The following KIF1A variants were observed in gnomAD, a reference collection of about 807,000 sequenced individuals.
KIF1A encodes the protein kinesin family member 1A, also known as kinesin-like protein KIF1A.
Under a neutral mutation model 227.3 loss-of-function variants are expected in KIF1A, and 46 were observed. That is an observed-to-expected ratio of 0.20 (90% CI 0.16 to 0.26). The LOEUF is 0.26. Ranked by LOEUF, KIF1A falls within the 10% of genes least tolerant of loss-of-function variation. The pLI, the probability that KIF1A is intolerant of heterozygous loss-of-function variation, is 1.00. For synonymous variants in KIF1A, 1,022 were observed against 1,012.8 expected, an observed-to-expected ratio of 1.01 and a Z score of -0.17; for missense variants, 1,683 against 2,485.9, an observed-to-expected ratio of 0.68 and a Z score of 6.87.
chr2:240,760,463 T>C (rs1422040789), intron 25 of KIF1A, among the ~76,000 whole-genome samples: 1 of 152,280 alleles, frequency 6.6e-6, no homozygotes, highest in Non-Finnish European at 1.5e-5. Context: ...GTATGATTGC[T>C]GCATTGGTAG....
rs1441849108 is a variant in KIF1A at position 240,778,440 on chromosome 2, C to T, written c.883-2514G>A. 6.6e-6 allele frequency among the ~76,000 whole-genome samples: 1 copy of T among 151,444 alleles called. No individual in the cohort carries two copies. The highest frequency in any genetic ancestry group is 6.6e-5 in the Admixed American group (1 of 15,204). ...CTCCAACATTTCCTAACACGGCTCC[C>T]CACGGGAGGCCTCACACGATCCTCC... is the stretch of plus-strand genomic sequence containing the variant. On this transcript the variant is annotated intron_variant, in intron 10 of 48. Transcript: ENST00000498729. This position sits in a 1 kb window ranked among gnomAD's most constrained non-coding sequence, Gnocchi z 7.2.
intron 2 of KIF1A, among the ~76,000 whole-genome samples, chr2:240,796,365 G>A (rs1328237435): frequency 6.6e-6 from 1 of 152,190 alleles, no homozygotes; most frequent in East Asian, 1.9e-4. Context: ...GGCCTTCCTG[G>A]GCAGGACAAC....
chr2:240,816,175 T>C (rs1051274806), intron 1 of KIF1A, among the ~76,000 whole-genome samples: 2 of 151,954 alleles, frequency 1.3e-5, no homozygotes, highest in African/African-American at 4.8e-5. Flanking sequence ...TGTGTCTATC[T>C]GCATGCATGC....
Position 240,731,853 on chromosome 2 carries a change from G to A in KIF1A, c.4008-4913C>T, listed in dbSNP as rs1040105925. Among the ~76,000 whole-genome samples, 64 of 144,438 alleles carry A rather than the reference G, an allele frequency of 4.4e-4. 1 individual carries two copies. The highest frequency in any genetic ancestry group is 1.4e-3 in the African/African-American group (55 of 39,512). 94.8% of individuals were successfully genotyped at this position (144,438 alleles called of 152,430 possible). ...GGCCAGGACACAGCCTGCTTGGTTA[G>A]TGTCTGCTATGGGGATTGGGGGGTA... On this transcript the variant is annotated intron_variant, in intron 38 of 48. Coordinates refer to ENST00000498729, the MANE Select transcript of KIF1A (RefSeq NM_001244008.2).
Position 240,789,349 on chromosome 2 carries a change from G to T in KIF1A, c.107-37C>A. ...AACACAGGTGGTTAGCGCTGTGCTG[G>T]GAGGGCCCCTGACTAGCTGGCATCT... On this transcript the variant is annotated intron_variant, in intron 2 of 48. Transcript: ENST00000498729. This position sits in a 1 kb window ranked among gnomAD's most constrained non-coding sequence, Gnocchi z 4.8. 6.5e-7 allele frequency: 1 copy of T among 1,550,084 alleles called. No homozygotes were observed. The highest frequency in any genetic ancestry group is 1.4e-5 in the African/African-American group (1 of 73,472).
intron 1 of KIF1A, among the ~76,000 whole-genome samples, chr2:240,809,582 G>A (rs1220933944): frequency 6.6e-6 from 1 of 152,036 alleles, no homozygotes; most frequent in African/African-American, 2.4e-5. Flanking sequence ...TAAATTCCAT[G>A]TGGATTAAAG....
chr2:240,774,402 C>CCCA (rs1491536538), intron 11 of KIF1A, 141 bp from the exon 12 acceptor site: 71 of 393,596 alleles, frequency 1.8e-4, no homozygotes, highest in African/African-American at 1.7e-3. Flanking sequence ...CCCCCCCCCC[C>CCCA]ACCCCCACCC....
chr2:240,786,802 T>TGAGTGAGAGGGTGGGG, intron 5 of KIF1A, among the ~76,000 whole-genome samples: 1 of 30,350 alleles, frequency 3.3e-5, no homozygotes, highest in Non-Finnish European at 9.1e-5. Flanking sequence ...GGGTGGGGGC[T>TGAGTGAGAGGGTGGGG]GCCATCAGGA....
At chr2:240,722,971 T>C (rs1174091350) in intron 42 of KIF1A, among the ~76,000 whole-genome samples, 1 of 152,108 alleles carries the variant, frequency 6.6e-6, no homozygotes, top group East Asian at 1.9e-4. Flanking sequence ...GCTGGAGGCC[T>C]CAGGAGAGGG....
At chr2:240,753,156 C>A (rs2049426251) in intron 27 of KIF1A, among the ~76,000 whole-genome samples, 2 of 152,228 alleles carry the variant, frequency 1.3e-5, no homozygotes, top group African/African-American at 4.8e-5. Context: ...GAGACTTCTG[C>A]ACCTGAGCTA....
chr2:240,733,043 G>T (rs931330959), intron 38 of KIF1A, among the ~76,000 whole-genome samples: 7 of 141,174 alleles, frequency 5.0e-5, no homozygotes, highest in Admixed American at 2.1e-4. Flanking sequence ...GGGAATGAGG[G>T]GGGGATGAGA....
intron 38 of KIF1A, among the ~76,000 whole-genome samples, chr2:240,731,972 C>G (rs906346568): frequency 1.3e-5 from 1 of 78,636 alleles, no homozygotes; most frequent in African/African-American, 4.8e-5. Context: ...GGGGAGGAGA[C>G]TAGGAGAGGA....
At chr2:240,784,621 C>T (rs2126059608) in intron 7 of KIF1A, among the ~76,000 whole-genome samples, 1 of 152,322 alleles carries the variant, frequency 6.6e-6, no homozygotes, top group Non-Finnish European at 1.5e-5. Context: ...CAGGTGGTGG[C>T]TGAGGTGCCC....
At chr2:240,773,327 G>C in intron 12 of KIF1A, 71 bp from the exon 13 acceptor site, 1 of 1,587,242 alleles carries the variant, frequency 6.3e-7, no homozygotes, top group Non-Finnish European at 8.6e-7. Flanking sequence ...AGGGTGCCTA[G>C]AGCCCTGCCC....
In KIF1A at chr2:240,725,505, A is replaced by G; in HGVS notation, c.4123-101T>C. On this transcript the variant is annotated intron_variant, in intron 39 of 48. Coordinates refer to ENST00000498729, the MANE Select transcript of KIF1A (RefSeq NM_001244008.2). The surrounding 1 kb of genome is among the most constrained non-coding windows in gnomAD (Gnocchi z 5.8). ...GGCACAATGCCCAGCACCGACAGGCAGCCCCAGGGCCTTCCCAGGGCCTCA... is the reference window on the plus strand; with the variant it reads ...GGCACAATGCCCAGCACCGACAGGCGGCCCCAGGGCCTTCCCAGGGCCTCA... 1 of 1,352,828 alleles carries G rather than the reference A, an allele frequency of 7.4e-7. No individual in the cohort carries two copies. The highest frequency in any genetic ancestry group is 1.0e-6 in the Non-Finnish European group (1 of 983,408). 83.8% of individuals were successfully genotyped at this position (1,352,828 alleles called of 1,614,324 possible).
rs1195379895 is a variant in KIF1A at position 240,742,960 on chromosome 2, G to T, written c.3609C>A (p.His1203Gln). 2 of 1,611,778 alleles carry T rather than the reference G, an allele frequency of 1.2e-6. No individual in the cohort carries two copies. Among genetic ancestry groups the T allele is most frequent in the Admixed American group, 3.3e-5 (2 of 59,900 alleles). Residue 1203 changes from histidine (H) to glutamine (Q), a missense_variant, in exon 34 of 49, where the codon CAC becomes CAA. Around this residue, in one of 12 missense-constraint regions of KIF1A, gnomAD observed 759 missense variants for 1,020.2 expected, o/e 0.74. Transcript: ENST00000498729. The part of the protein sequence containing the change: ...VLSPLRPSRR[H>Q]FPRVMPLSKP... ...TGGACAGTGGCATGACCCGAGGGAA[G>T]TGGCGGCGCGAGGGCCTCAGGGGGC...
At chr2:240,770,487 C>T (rs1189596893) in intron 15 of KIF1A, among the ~76,000 whole-genome samples, 5 of 152,122 alleles carry the variant, frequency 3.3e-5, no homozygotes, top group African/African-American at 4.8e-5. Flanking sequence ...CTGGGACTGT[C>T]GTCAGTGGAG....
At chr2:240,741,188 C>CA in intron 35 of KIF1A, 81 bp downstream of exon 35, 1 of 933,912 alleles carries the variant, frequency 1.1e-6, no homozygotes. Context: ...TGGCAACCCT[C>CA]AGGCAGCTCA....
Position 240,789,660 on chromosome 2 carries a change from T to C in KIF1A, c.107-348A>G, listed in dbSNP as rs12989742. 0.42 allele frequency among the ~76,000 whole-genome samples: 63,822 copies of C among 152,070 alleles called. 15,229 individuals carry two copies. The highest frequency in any genetic ancestry group is 0.66 in the African/African-American group (27,543 of 41,496). On this transcript the variant is annotated intron_variant, in intron 2 of 48. Transcript: ENST00000498729. This position sits in a 1 kb window ranked among gnomAD's most constrained non-coding sequence, Gnocchi z 4.8. Reference sequence around the variant, plus strand: ...GGCCCCTCCATCTCTGGTGTCCACCTTGGGCTCACAGCCCCTGCCCTGCCC... The same window carrying C: ...GGCCCCTCCATCTCTGGTGTCCACCCTGGGCTCACAGCCCCTGCCCTGCCC...
Sources: gnomAD v4.1 joint callset for allele counts (sites outside exome capture counted in the v4.1 genomes callset) on GRCh38, gnomAD v4.1.1 for gene constraint, gnomAD v4.1.1 regional missense constraint, Gnocchi (gnomAD v3.1) non-coding constraint, MANE v1.5 for transcripts, NCBI Gene and HGNC (gene_info 2026-07-23, HGNC 2026-07-21) for gene names.